The following SLC12A3 variants were observed in gnomAD, a reference collection of about 807,000 sequenced individuals.
The protein encoded by SLC12A3 is Na-Cl cotransporter.
Under a neutral mutation model 121.0 loss-of-function variants are expected in SLC12A3, and 104 were observed. That is an observed-to-expected ratio of 0.86 (90% CI 0.73 to 1.01). SLC12A3 has a LOEUF of 1.01. SLC12A3 is among the 50% of genes least tolerant of loss of function. The probability of loss-of-function intolerance (pLI) is 0.00; values close to 1 mark genes in which losing one functional copy is unlikely to be tolerated. For synonymous variants in SLC12A3, 536 were observed against 533.4 expected, an observed-to-expected ratio of 1.00 and a Z score of -0.07; for missense variants, 1,328 against 1,356.3, an observed-to-expected ratio of 0.98 and a Z score of 0.33.
intron 8 of SLC12A3, among the ~76,000 whole-genome samples, chr16:56,873,927 G>A (rs996493864): frequency 6.6e-6 from 1 of 152,036 alleles, no homozygotes; most frequent in Non-Finnish European, 1.5e-5. Context: ...GGCCAGGCTG[G>A]TCTCGATCTC....
At chr16:56,896,949 T>G (rs1162824467) in intron 22 of SLC12A3, among the ~76,000 whole-genome samples, 1 of 151,736 alleles carries the variant, frequency 6.6e-6, no homozygotes, top group Non-Finnish European at 1.5e-5. Context: ...AAAATTAGCT[T>G]GGCATGGTAG....
rs121909380 is a variant in SLC12A3, at chr16:56,886,402, G to A, written c.1964G>A (p.Arg655His). ...GTGCTCACGGGGCCCCCCAACTTCC[G>A]CCCGGCCCTGGTGGACTTTGTGGGC... ...CLVLTGPPNFRPALVDFVGTF... is the reference protein window; with the variant it reads ...CLVLTGPPNFHPALVDFVGTF... The change falls in exon 16 of 26, where the codon CGC becomes CAC. Residue 655 changes from arginine to histidine, a missense_variant. Arg to His is a conservative substitution (Grantham distance 29). Transcript: ENST00000563236. 200 of 1,613,892 alleles carry A rather than the reference G, an allele frequency of 1.2e-4. No homozygotes were observed. The highest frequency in any genetic ancestry group is 1.5e-4 in the Non-Finnish European group (177 of 1,180,008).
chr16:56,875,069 G>A (rs1289473422), intron 8 of SLC12A3, among the ~76,000 whole-genome samples: 4 of 152,110 alleles, frequency 2.6e-5, no homozygotes, highest in African/African-American at 7.2e-5. Flanking sequence ...AATTTATCTC[G>A]ATGCCTCATC....
At position 56,865,638 on chromosome 16, in the gene SLC12A3, T is replaced by G. The variant is rs1426008344; in HGVS notation, c.282+121T>G. ...TGGGGATGGAGGAGCGTCTTCTTCC[T>G]GGGTTGAGAGGCCCCAGTGAAATAG... On this transcript the variant is annotated intron_variant, in intron 1 of 25. Coordinates refer to ENST00000563236, the MANE Select transcript of SLC12A3 (RefSeq NM_001126108.2). The G allele has an allele frequency of 3.6e-6, 4 of 1,118,236 alleles. No individual in the cohort carries two copies. The African/African-American group carries it at 4.6e-5, about 13-fold the overall frequency. 69.3% of individuals were successfully genotyped at this position (1,118,236 alleles called of 1,614,324 possible).
chr16:56,876,367 G>A (rs1225701003), intron 8 of SLC12A3, among the ~76,000 whole-genome samples: 2 of 152,206 alleles, frequency 1.3e-5, no homozygotes, highest in Admixed American at 6.5e-5. Flanking sequence ...CTAGAGGCAG[G>A]GTGGGAGGCT....
intron 24 of SLC12A3, 118 bp downstream of exon 24, chr16:56,902,626 G>C (rs1047270633): frequency 5.6e-6 from 7 of 1,250,616 alleles, no homozygotes; most frequent in Non-Finnish European, 6.8e-6. Context: ...CTTCCACTCC[G>C]GCCCCTGAGG....
At position 56,893,775 on chromosome 16, in the gene SLC12A3, T is replaced by C. The variant is rs146430595; in HGVS notation, c.2521+721T>C. On this transcript the variant is annotated intron_variant, in intron 21 of 25. Transcript: ENST00000563236. ...AAACTCCTCAATTATTAAATGACTTTTGTTTTTTATTATTCTTTTTGAGAC... is the reference window on the plus strand; with the variant it reads ...AAACTCCTCAATTATTAAATGACTTCTGTTTTTTATTATTCTTTTTGAGAC... 4.0e-4 allele frequency among the ~76,000 whole-genome samples: 61 copies of C among 152,214 alleles called. 1 individual carries two copies. The East Asian group carries it at 0.011, about 28-fold the overall frequency.
At position 56,913,467 on chromosome 16, in the gene SLC12A3, G is replaced by A; in HGVS notation, c.*62G>A. The A allele has an allele frequency of 6.6e-7, 1 of 1,513,884 alleles. No individual in the cohort carries two copies. The highest frequency in any genetic ancestry group is 9.2e-7 in the Non-Finnish European group (1 of 1,088,774). 93.8% of individuals were successfully genotyped at this position (1,513,884 alleles called of 1,614,324 possible). ...GTGTGGGATAAGTTGGAACTTGATTGCCTCTAGTCCACAGGGATGAGACTC... is the reference window on the plus strand; with the variant it reads ...GTGTGGGATAAGTTGGAACTTGATTACCTCTAGTCCACAGGGATGAGACTC... On this transcript the variant is annotated 3_prime_UTR_variant, in exon 26 of 26. Transcript: ENST00000563236.
In SLC12A3 at chr16:56,880,263, TGCCAGGGCTCACAGG is replaced by T. The variant is rs1204592235; in HGVS notation, c.1567+14_1567+28del. ...GCCTTCATCATCATCGGTAAGGCTC[TGCCAGGGCTCACAGG>T]GCCTGGCCTCCTGTTCCCCTGGCCG... On this transcript the variant is annotated intron_variant, in intron 12 of 25. Transcript: ENST00000563236. 1 of 1,573,172 alleles carries T rather than the reference TGCCAGGGCTCACAGG, an allele frequency of 6.4e-7. No homozygotes were observed. The highest frequency in any genetic ancestry group is 8.6e-7 in the Non-Finnish European group (1 of 1,158,960).
At chr16:56,885,654 G>A (rs915287970) in intron 15 of SLC12A3, among the ~76,000 whole-genome samples, 17 of 152,088 alleles carry the variant, frequency 1.1e-4, no homozygotes, top group East Asian at 1.9e-4. Context: ...TCACAGTATC[G>A]CCGGAGCCAA....
intron 24 of SLC12A3, among the ~76,000 whole-genome samples, chr16:56,902,949 C>T (rs1452206378): frequency 5.9e-5 from 9 of 152,042 alleles, no homozygotes; most frequent in African/African-American, 2.2e-4. Context: ...AGTTCAAGAC[C>T]AGCCTGACCA....
At chr16:56,888,582 G>A (rs1269729420) in intron 18 of SLC12A3, among the ~76,000 whole-genome samples, 9 of 95,684 alleles carry the variant, frequency 9.4e-5, no homozygotes, top group East Asian at 3.4e-4. Flanking sequence ...TTTTTGAGAC[G>A]GAGTCTCACA....
chr16:56,907,445 T>TCCGTCTAAAAAAAAAAAAAAAAAAAA (rs1567449752), intron 25 of SLC12A3, among the ~76,000 whole-genome samples: 1 of 150,870 alleles, frequency 6.6e-6, no homozygotes, highest in African/African-American at 2.5e-5. Flanking sequence ...ATGACAGAGC[T>TCCGTCTAAAAAAAAAAAAAAAAAAAA]AGAAATGTGC....
At chr16:56,902,636 G>A (rs1347426362) in intron 24 of SLC12A3, 128 bp downstream of exon 24, 7 of 1,164,662 alleles carry the variant, frequency 6.0e-6, no homozygotes, top group African/African-American at 1.5e-5. Context: ...GGCCCCTGAG[G>A]TATCCTCAAG....
At chr16:56,895,997 C>T (rs558430031) in intron 22 of SLC12A3, among the ~76,000 whole-genome samples, 9 of 152,026 alleles carry the variant, frequency 5.9e-5, no homozygotes, top group Non-Finnish European at 1.2e-4. Flanking sequence ...GTAATGAAAG[C>T]GATGAGGAGC....
intron 25 of SLC12A3, chr16:56,906,874 T>G (rs1285900933): frequency 1.0e-5 from 6 of 595,904 alleles, no homozygotes; most frequent in Admixed American, 2.1e-5. Context: ...AAGAACAGAA[T>G]GAAGGAAGTT....
chr16:56,878,037 T>TACCAAA, intron 8 of SLC12A3, 40 bp from the exon 9 acceptor site: 2 of 421,400 alleles, frequency 4.7e-6, no homozygotes, highest in Non-Finnish European at 8.9e-6. Flanking sequence ...CCTCCCTCTC[T>TACCAAA]CCCTCCCTCC....
At chr16:56,885,149 C>T in intron 14 of SLC12A3, 116 bp from the exon 15 acceptor site, 1 of 744,372 alleles carries the variant, frequency 1.3e-6, no homozygotes, top group Non-Finnish European at 2.4e-6. Flanking sequence ...GGCCCTGCTC[C>T]CACGGGTGCC....
chr16:56,873,280 C>T (rs535773743), intron 8 of SLC12A3, among the ~76,000 whole-genome samples: 11 of 152,284 alleles, frequency 7.2e-5, no homozygotes, highest in Admixed American at 4.6e-4. Flanking sequence ...TTACCTCGTC[C>T]CTCCTCCACG....
Sources: gnomAD v4.1 joint callset for allele counts (sites outside exome capture counted in the v4.1 genomes callset) on GRCh38, gnomAD v4.1.1 for gene constraint, MANE v1.5 for transcripts, NCBI Gene and HGNC (gene_info 2026-07-23, HGNC 2026-07-21) for gene names.